CMSS1: variants seen among roughly 807,000 people sequenced by gnomAD.
CMSS1 encodes cms1 ribosomal small subunit homolog.
Under a neutral mutation model 43.5 loss-of-function variants are expected in CMSS1, and 33 were observed. The ratio of observed to expected loss-of-function variants is 0.76; its 90% CI spans 0.57 to 1.01. The LOEUF (loss-of-function observed/expected upper bound fraction) is 1.01, where lower values mean the gene tolerates loss of function less well. CMSS1 is among the 50% of genes least tolerant of loss of function. The pLI, the probability that CMSS1 is intolerant of heterozygous loss-of-function variation, is 0.00. For synonymous variants in CMSS1, 115 were observed against 117.2 expected, an observed-to-expected ratio of 0.98 and a Z score of 0.12; for missense variants, 313 against 326.4, an observed-to-expected ratio of 0.96 and a Z score of 0.32.
intron 1 of CMSS1, among the ~76,000 whole-genome samples, chr3:99,977,303 A>G (rs1337644306): frequency 6.6e-6 from 1 of 152,124 alleles, no homozygotes; most frequent in Non-Finnish European, 1.5e-5. Flanking sequence ...CCAGGAAATA[A>G]CATTAACAGC....
intron 1 of CMSS1, among the ~76,000 whole-genome samples, chr3:99,977,926 T>A (rs1709017865): frequency 6.6e-6 from 1 of 151,904 alleles, no homozygotes; most frequent in Admixed American, 6.6e-5. Context: ...AAAGAAAAAA[T>A]TGCAGGAAAA....
At chr3:99,949,997 A>T (rs1161979908) in intron 1 of CMSS1, among the ~76,000 whole-genome samples, 1 of 152,156 alleles carries the variant, frequency 6.6e-6, no homozygotes, top group African/African-American at 2.4e-5. Context: ...TTTCATAATC[A>T]AAGGTATGCT....
intron 1 of CMSS1, among the ~76,000 whole-genome samples, chr3:99,836,621 G>T (rs1322779332): frequency 6.6e-6 from 1 of 152,124 alleles, no homozygotes; most frequent in Non-Finnish European, 1.5e-5. Flanking sequence ...GATGAATTTT[G>T]TGGGACCCTA....
At chr3:99,844,336 C>T (rs1271151596) in intron 1 of CMSS1, among the ~76,000 whole-genome samples, 2 of 152,146 alleles carry the variant, frequency 1.3e-5, no homozygotes, top group Non-Finnish European at 2.9e-5. Context: ...GGATTTTACT[C>T]TGAGATACGC....
At chr3:99,997,583 A>G (rs768160501) in intron 1 of CMSS1, among the ~76,000 whole-genome samples, 50 of 152,282 alleles carry the variant, frequency 3.3e-4, no homozygotes, top group African/African-American at 1.1e-3. Flanking sequence ...TTCACAATAG[A>G]TGGTAGGGGC....
intron 1 of CMSS1, among the ~76,000 whole-genome samples, chr3:99,950,698 CTT>C (rs920399149): frequency 6.6e-6 from 1 of 152,176 alleles, no homozygotes; most frequent in African/African-American, 2.4e-5. Flanking sequence ...CCACGATTCT[CTT>C]TACACGTTTC....
chr3:99,899,636 C>T (rs780723764), intron 1 of CMSS1, among the ~76,000 whole-genome samples: 11 of 152,280 alleles, frequency 7.2e-5, no homozygotes, highest in Admixed American at 2.6e-4. Flanking sequence ...AGGAATCTGA[C>T]ATAAAGTACA....
Position 100,160,228 on chromosome 3 carries a change from G to A in CMSS1, c.154-202G>A, listed in dbSNP as rs560891439. ...GATTCTCCAGTCTTAAGTCATCTGC[G>A]CTTTCTGACTTTCTCAAATTCTCTC... On this transcript the variant is annotated intron_variant, in intron 2 of 9. Coordinates refer to ENST00000421999, the MANE Select transcript of CMSS1 (RefSeq NM_032359.4). Among the ~76,000 whole-genome samples, 5 of 152,080 alleles carry A rather than the reference G, an allele frequency of 3.3e-5. No homozygotes were observed. The East Asian group carries it at 7.7e-4, about 23-fold the overall frequency.
intron 1 of CMSS1, among the ~76,000 whole-genome samples, chr3:100,141,258 C>G (rs2066802196): frequency 6.6e-6 from 1 of 152,220 alleles, no homozygotes; most frequent in Admixed American, 6.5e-5. Context: ...AGCACTAGAA[C>G]AGCTAGCAAT....
chr3:99,947,935 A>C (rs1397020911), intron 1 of CMSS1, among the ~76,000 whole-genome samples: 1 of 152,250 alleles, frequency 6.6e-6, no homozygotes, highest in Admixed American at 6.5e-5. Flanking sequence ...AGATTACCTC[A>C]TCATATAGAC....
chr3:100,103,683 G>T (rs918165050), intron 1 of CMSS1, among the ~76,000 whole-genome samples: 3 of 152,146 alleles, frequency 2.0e-5, no homozygotes, highest in Admixed American at 6.5e-5. Flanking sequence ...GCCATGGAAT[G>T]GTCTCTTCCA....
At chr3:100,119,843 C>T (rs1453247918) in intron 1 of CMSS1, among the ~76,000 whole-genome samples, 1 of 152,020 alleles carries the variant, frequency 6.6e-6, no homozygotes, top group Non-Finnish European at 1.5e-5. Context: ...CTTAATGTTC[C>T]TTAAGAGTGG....
At chr3:99,936,490 C>T (rs1454785508) in intron 1 of CMSS1, among the ~76,000 whole-genome samples, 1 of 140,408 alleles carries the variant, frequency 7.1e-6, no homozygotes, top group East Asian at 2.1e-4. Flanking sequence ...ATTCTCCTGC[C>T]TCAGCCTCCC....
At chr3:100,076,150 G>T (rs117146686) in intron 1 of CMSS1, among the ~76,000 whole-genome samples, 70 of 152,216 alleles carry the variant, frequency 4.6e-4, no homozygotes, top group African/African-American at 1.6e-3. Flanking sequence ...TATCTTGCCC[G>T]GAAAACCCTT....
intron 1 of CMSS1, among the ~76,000 whole-genome samples, chr3:99,999,039 G>A (rs771238517): frequency 2.8e-4 from 42 of 152,132 alleles, no homozygotes; most frequent in Non-Finnish European, 1.3e-4. Context: ...GAAGCCTTCC[G>A]TGCCTCCCAT....
chr3:99,935,827 G>A (rs1379147037), intron 1 of CMSS1, among the ~76,000 whole-genome samples: 1 of 152,162 alleles, frequency 6.6e-6, no homozygotes, highest in African/African-American at 2.4e-5. Flanking sequence ...GCTTAAGTTA[G>A]TTGAAATCAT....
intron 1 of CMSS1, among the ~76,000 whole-genome samples, chr3:99,888,104 A>G (rs1705968076): frequency 6.6e-6 from 1 of 152,246 alleles, no homozygotes; most frequent in South Asian, 2.1e-4. Flanking sequence ...GATGTGGAGC[A>G]GCATCTATTG....
intron 2 of CMSS1, among the ~76,000 whole-genome samples, chr3:100,160,149 C>T (rs941220343): frequency 6.6e-6 from 1 of 152,138 alleles, no homozygotes; most frequent in Non-Finnish European, 1.5e-5. Flanking sequence ...CAATACACTG[C>T]ACTTCCACAC....
chr3:99,864,958 T>C (rs946690956), intron 1 of CMSS1, among the ~76,000 whole-genome samples: 15 of 152,224 alleles, frequency 9.9e-5, no homozygotes, highest in African/African-American at 3.6e-4. Context: ...ATTGGTCTAT[T>C]TTGTTTAATA....
Sources: gnomAD v4.1 joint callset for allele counts (sites outside exome capture counted in the v4.1 genomes callset) on GRCh38, gnomAD v4.1.1 for gene constraint, MANE v1.5 for transcripts, NCBI Gene and HGNC (gene_info 2026-07-23, HGNC 2026-07-21) for gene names.